Variants in PCDH9 observed in about 807,000 individuals in gnomAD.
The protein encoded by PCDH9 is protocadherin-9.
In PCDH9, 24 loss-of-function variants were observed where a neutral mutation model predicts 70.6. The ratio of observed to expected loss-of-function variants is 0.34; its 90% CI spans 0.25 to 0.48. PCDH9 has a LOEUF of 0.48. Ranked by LOEUF, PCDH9 falls within the 20% of genes least tolerant of loss-of-function variation. PCDH9 has a pLI of 0.99. For missense variants in PCDH9, 1,281 were observed against 1,503.6 expected (o/e 0.85, Z 2.45); for synonymous variants, 562 against 558.5 (o/e 1.01, Z -0.09).
intron 3 of PCDH9, among the ~76,000 whole-genome samples, chr13:66,711,886 A>T (rs933131921): frequency 6.6e-6 from 1 of 152,126 alleles, no homozygotes; most frequent in African/African-American, 2.4e-5. Context: ...CATTGCTGAG[A>T]TTCAATTCAA....
At chr13:66,899,201 G>A (rs2082236179) in intron 3 of PCDH9, among the ~76,000 whole-genome samples, 1 of 151,902 alleles carries the variant, frequency 6.6e-6, no homozygotes, top group Non-Finnish European at 1.5e-5. Context: ...TACATAAAAG[G>A]TCAAAAATAT....
intron 2 of PCDH9, among the ~76,000 whole-genome samples, chr13:67,186,581 T>G (rs992409752): frequency 1.3e-5 from 2 of 152,082 alleles, no homozygotes; most frequent in African/African-American, 4.8e-5. Flanking sequence ...TAAATAGAAT[T>G]AGTTAATGTT....
At chr13:66,533,210 AC>A (rs1183786410) in intron 4 of PCDH9, among the ~76,000 whole-genome samples, 3 of 152,032 alleles carry the variant, frequency 2.0e-5, no homozygotes, top group Non-Finnish European at 4.4e-5. Context: ...TATATTCCAG[AC>A]TCTTAATATA....
intron 2 of PCDH9, chr13:67,208,534 C>T (rs1444040427): frequency 1.3e-5 from 2 of 152,034 alleles, no homozygotes; most frequent in Non-Finnish European, 2.9e-5. Flanking sequence ...TAGATTCTCA[C>T]AATTTTTGAT....
In PCDH9 at chr13:66,866,167, A is replaced by T. The variant is rs188720809; in HGVS notation, c.3138+37337T>A. Among the ~76,000 whole-genome samples, 518 of 152,280 alleles carry T rather than the reference A, an allele frequency of 3.4e-3. 4 individuals are homozygous for T. The highest frequency in any genetic ancestry group is 0.012 in the African/African-American group (491 of 41,568). ...TCATCATCACTCTGTCTGGGCAATA[A>T]ATGATGTTGGAGACAAAAATGTAAA... is the stretch of plus-strand genomic sequence containing the variant. On this transcript the variant is annotated intron_variant, in intron 3 of 4. Coordinates refer to ENST00000377865, the MANE Select transcript of PCDH9 (RefSeq NM_203487.3).
chr13:67,046,217 A>G (rs17195259), intron 2 of PCDH9, among the ~76,000 whole-genome samples: 14,481 of 152,206 alleles, frequency 0.095, 765 homozygotes, highest in Non-Finnish European at 0.12. Flanking sequence ...AATGTTGCCA[A>G]GATTACACTC....
At position 66,495,199 on chromosome 13, in the gene PCDH9, G is replaced by C. The variant is rs1174161247; in HGVS notation, c.3340+136011C>G. Among the ~76,000 whole-genome samples, 8 of 152,068 alleles carry C rather than the reference G, an allele frequency of 5.3e-5. No homozygotes were observed. The East Asian group carries it at 9.7e-4, about 18-fold the overall frequency. ...TACAAAAAGAAAATTAAAAATTCTG[G>C]CAAACAATTAGAGATTTTTGTTAGC... On this transcript the variant is annotated intron_variant, in intron 4 of 4. Coordinates refer to ENST00000377865, the MANE Select transcript of PCDH9 (RefSeq NM_203487.3).
At chr13:66,902,833 A>G (rs933899941) in intron 3 of PCDH9, among the ~76,000 whole-genome samples, 1 of 151,800 alleles carries the variant, frequency 6.6e-6, no homozygotes, top group Non-Finnish European at 1.5e-5. Flanking sequence ...AAATACATGA[A>G]AGATAGTAGA....
chr13:66,705,625 T>C (rs2078701267), intron 3 of PCDH9, among the ~76,000 whole-genome samples: 1 of 152,190 alleles, frequency 6.6e-6, no homozygotes, highest in African/African-American at 2.4e-5. Context: ...CAAAGAAACC[T>C]CTTTTTGTTT....
chr13:66,676,747 A>G (rs1479990469), intron 3 of PCDH9, among the ~76,000 whole-genome samples: 1 of 152,138 alleles, frequency 6.6e-6, no homozygotes, highest in African/African-American at 2.4e-5. Context: ...TCAATTGTGT[A>G]TTTAAATGTA....
chr13:66,476,076 C>T (rs1958722206), intron 4 of PCDH9, among the ~76,000 whole-genome samples: 1 of 152,078 alleles, frequency 6.6e-6, no homozygotes, highest in South Asian at 2.1e-4. Flanking sequence ...ACTGGGTACT[C>T]TCTCTATCTT....
In PCDH9 at chr13:66,617,867, C is replaced by G. The variant is rs535109884; in HGVS notation, c.3340+13343G>C. Among the ~76,000 whole-genome samples the G allele has an allele frequency of 1.3e-3, 201 of 152,314 alleles. 1 individual carries two copies. Among genetic ancestry groups the G allele is most frequent in the African/African-American group, 4.6e-3 (192 of 41,568 alleles). On this transcript the variant is annotated intron_variant, in intron 4 of 4. Coordinates refer to ENST00000377865, the MANE Select transcript of PCDH9 (RefSeq NM_203487.3). ...GAGGGACCTCAGACTGCCGTTTCCA[C>G]AAAACGGCGTCCCCTGTCAGCAGGA...
chr13:67,056,502 A>G (rs1179909657), intron 2 of PCDH9, among the ~76,000 whole-genome samples: 1 of 152,186 alleles, frequency 6.6e-6, no homozygotes, highest in Non-Finnish European at 1.5e-5. Flanking sequence ...TCTCAGGGGA[A>G]TAATTTAGGG....
rs995010974 is a variant in PCDH9 at position 66,690,370 on chromosome 13, G to T, written c.3139-58959C>A. Among the ~76,000 whole-genome samples, 20 of 152,256 alleles carry T rather than the reference G, an allele frequency of 1.3e-4. 1 individual carries two copies. The highest frequency in any genetic ancestry group is 3.3e-4 in the Admixed American group (5 of 15,292). On this transcript the variant is annotated intron_variant, in intron 3 of 4. Coordinates refer to ENST00000377865, the MANE Select transcript of PCDH9 (RefSeq NM_203487.3). ...GAGGTAATCCTGACAAGGATTGATA[G>T]ATTTTAAGTCTGAAGACTTCAGTGA...
intron 4 of PCDH9, among the ~76,000 whole-genome samples, chr13:66,432,790 T>C (rs1441463930): frequency 6.6e-6 from 1 of 151,926 alleles, no homozygotes; most frequent in Non-Finnish European, 1.5e-5. Context: ...AATGATAACA[T>C]GCATAAAATG....
At chr13:66,347,614 G>C (rs1956232109) in intron 4 of PCDH9, among the ~76,000 whole-genome samples, 1 of 152,094 alleles carries the variant, frequency 6.6e-6, no homozygotes, top group Non-Finnish European at 1.5e-5. Flanking sequence ...GAGATCTGTA[G>C]TACCTTAGTC....
At chr13:66,480,307 G>C (rs1958814376) in intron 4 of PCDH9, among the ~76,000 whole-genome samples, 2 of 152,146 alleles carry the variant, frequency 1.3e-5, no homozygotes, top group African/African-American at 4.8e-5. Context: ...ATGAGAAATT[G>C]ATTTTTATGG....
chr13:66,317,516 A>G (rs1372356720), intron 4 of PCDH9, among the ~76,000 whole-genome samples: 1 of 152,192 alleles, frequency 6.6e-6, no homozygotes, highest in Non-Finnish European at 1.5e-5. Flanking sequence ...TGTTTTTTGT[A>G]TCCCACCTAA....
chr13:66,515,692 G>A (rs1245537558), intron 4 of PCDH9, among the ~76,000 whole-genome samples: 1 of 151,644 alleles, frequency 6.6e-6, no homozygotes, highest in Non-Finnish European at 1.5e-5. Flanking sequence ...ATTATAAAAG[G>A]AAAAACAGAA....
Sources: gnomAD v4.1 joint callset for allele counts (sites outside exome capture counted in the v4.1 genomes callset) on GRCh38, gnomAD v4.1.1 for gene constraint, MANE v1.5 for transcripts, NCBI Gene and HGNC (gene_info 2026-07-23, HGNC 2026-07-21) for gene names.